The following TAFA2 variants were observed in gnomAD, a reference collection of about 807,000 sequenced individuals.
The protein encoded by TAFA2 is TAFA chemokine like family member 2.
Under a neutral mutation model 18.8 loss-of-function variants are expected in TAFA2, and 7 were observed. That is an observed-to-expected ratio of 0.37 (90% CI 0.21 to 0.70). The LOEUF (loss-of-function observed/expected upper bound fraction) is 0.70. Ranked by LOEUF, TAFA2 falls within the 30% of genes least tolerant of loss-of-function variation. TAFA2 has a pLI of 0.53. For synonymous variants in TAFA2, 60 were observed against 54.2 expected (o/e 1.11, Z -0.47); for missense variants, 122 against 158.1 (o/e 0.77, Z 1.23).
Position 62,035,815 on chromosome 12 carries a change from C to A in TAFA2, c.-2+155444G>T, listed in dbSNP as rs1302794089. ...GGAGTGCAGTGGCGCGATCTCGACT[C>A]ACTGCAAGCTCCGCCTCCCGGGTTC... On this transcript the variant is annotated intron_variant, in intron 1 of 4. Coordinates refer to ENST00000416284, the MANE Select transcript of TAFA2 (RefSeq NM_178539.5). Among the ~76,000 whole-genome samples, 3 of 139,018 alleles carry A rather than the reference C, an allele frequency of 2.2e-5. No homozygotes were observed. In the East Asian group the frequency reaches 6.4e-4, roughly 30 times the overall value. The allele number at this position is 139,018 out of a possible 152,430, so 91.2% of individuals were successfully genotyped here.
At chr12:62,156,261 G>A (rs530394764) in intron 1 of TAFA2, among the ~76,000 whole-genome samples, 1 of 152,164 alleles carries the variant, frequency 6.6e-6, no homozygotes, top group Non-Finnish European at 1.5e-5. Context: ...CCTTACTCCT[G>A]CAAGAACGTC....
At chr12:62,075,619 C>A (rs1403535663) in intron 1 of TAFA2, among the ~76,000 whole-genome samples, 1 of 152,162 alleles carries the variant, frequency 6.6e-6, no homozygotes, top group Non-Finnish European at 1.5e-5. Context: ...CATTTCATGT[C>A]CATTCATTTC....
intron 2 of TAFA2, among the ~76,000 whole-genome samples, chr12:61,798,249 C>CAA (rs1871268405): frequency 6.6e-6 from 1 of 152,010 alleles, no homozygotes; most frequent in Non-Finnish European, 1.5e-5. Flanking sequence ...ATTACAAAAT[C>CAA]ATTTCTCTTA....
At chr12:61,862,495 C>T (rs1356192384) in intron 2 of TAFA2, among the ~76,000 whole-genome samples, 2 of 152,204 alleles carry the variant, frequency 1.3e-5, no homozygotes, top group African/African-American at 4.8e-5. Flanking sequence ...AGTGTTCCTA[C>T]ATCATGTTCA....
At chr12:62,247,389 A>G (rs2062891800) in intron 1 of TAFA2, among the ~76,000 whole-genome samples, 1 of 152,068 alleles carries the variant, frequency 6.6e-6, no homozygotes, top group Non-Finnish European at 1.5e-5. Flanking sequence ...AATTCCACTT[A>G]CTCTCATTCA....
chr12:62,191,108 C>A (rs184456663), intron 1 of TAFA2, among the ~76,000 whole-genome samples, 151 bp downstream of exon 1: 1 of 152,106 alleles, frequency 6.6e-6, no homozygotes, highest in Non-Finnish European at 1.5e-5. Flanking sequence ...CCTCACCTCT[C>A]GCCTTCCCCG....
intron 2 of TAFA2, among the ~76,000 whole-genome samples, chr12:61,764,354 T>G (rs961004965): frequency 6.6e-6 from 1 of 152,072 alleles, no homozygotes; most frequent in Non-Finnish European, 1.5e-5. Context: ...TCCCAAGCAT[T>G]GTAGGAATCA....
intron 1 of TAFA2, among the ~76,000 whole-genome samples, chr12:61,961,314 G>A (rs1240907305): frequency 3.3e-5 from 5 of 151,760 alleles, no homozygotes; most frequent in East Asian, 1.9e-4. Flanking sequence ...ATTTGGGAAG[G>A]GACACAAACC....
intron 4 of TAFA2, among the ~76,000 whole-genome samples, chr12:61,715,430 G>C (rs368484668): frequency 1.3e-4 from 20 of 151,696 alleles, no homozygotes; most frequent in Non-Finnish European, 2.7e-4. Flanking sequence ...CTCACTGCAA[G>C]CTCTGCCTCC....
At chr12:62,017,758 G>T (rs916602444) in intron 1 of TAFA2, among the ~76,000 whole-genome samples, 4 of 152,080 alleles carry the variant, frequency 2.6e-5, no homozygotes, top group African/African-American at 9.7e-5. Context: ...ATAAACAGCT[G>T]TACCAAGTGA....
chr12:61,709,428 GATAGGACA>G lies in TAFA2; in HGVS notation c.*970_*977del, dbSNP rs1414943489. Reference sequence around the variant, plus strand: ...AGCAAAAGAAAGTCTTTTAAAATGAGATAGGACAGTTTTTTAAAAAATACTGGAAGAAA... The same window carrying G: ...AGCAAAAGAAAGTCTTTTAAAATGAGGTTTTTTAAAAAATACTGGAAGAAA... On this transcript the variant is annotated 3_prime_UTR_variant, in exon 5 of 5. Coordinates refer to ENST00000416284, the MANE Select transcript of TAFA2 (RefSeq NM_178539.5). 1 of 152,030 alleles carries G rather than the reference GATAGGACA, an allele frequency of 6.6e-6. No individual in the cohort carries two copies. The highest frequency in any genetic ancestry group is 6.6e-5 in the Admixed American group (1 of 15,234). 9.4% of individuals were successfully genotyped at this position (152,030 alleles called of 1,614,324 possible). A position where few individuals can be genotyped will look rare whatever the true frequency, so the allele number is the denominator to read the frequency against.
At chr12:61,985,588 A>G (rs1879784792) in intron 1 of TAFA2, among the ~76,000 whole-genome samples, 1 of 152,334 alleles carries the variant, frequency 6.6e-6, no homozygotes, top group East Asian at 1.9e-4. Flanking sequence ...ATATTAACAT[A>G]TTAGAATGAA....
rs147444094 is a variant in TAFA2, at chr12:61,834,507, G to A, written c.106+32813C>T. On this transcript the variant is annotated intron_variant, in intron 2 of 4. Transcript: ENST00000416284. ...GATAGTTCCTTCAGGCCAGTCTGCA[G>A]CTCCATTTCCAATAGAGAACACCTG... Among the ~76,000 whole-genome samples, 963 of 152,158 alleles carry A rather than the reference G, an allele frequency of 6.3e-3. 10 individuals are homozygous for A. Among genetic ancestry groups the A allele is most frequent in the African/African-American group, 0.022 (902 of 41,536 alleles).
At chr12:61,901,952 T>C (rs537274431) in intron 1 of TAFA2, among the ~76,000 whole-genome samples, 1 of 152,296 alleles carries the variant, frequency 6.6e-6, no homozygotes, top group African/African-American at 2.4e-5. Context: ...AGAATAGCAG[T>C]ATAACTTCTA....
chr12:61,910,093 TG>T (rs1876537773), intron 1 of TAFA2, among the ~76,000 whole-genome samples: 2 of 79,218 alleles, frequency 2.5e-5, no homozygotes, highest in Non-Finnish European at 4.5e-5. Context: ...TGTGTGTGTG[TG>T]TGTGTTTGTG....
At position 61,831,122 on chromosome 12, in the gene TAFA2, T is replaced by C. The variant is rs755585774; in HGVS notation, c.106+36198A>G. Among the ~76,000 whole-genome samples the C allele has an allele frequency of 3.3e-5, 5 of 152,070 alleles. No individual in the cohort carries two copies. In the East Asian group the frequency reaches 9.7e-4, roughly 29 times the overall value. On this transcript the variant is annotated intron_variant, in intron 2 of 4. Coordinates refer to ENST00000416284, the MANE Select transcript of TAFA2 (RefSeq NM_178539.5). The stretch of plus-strand genomic sequence containing the variant: ...TTGAGCCTTCAGTTTCTGTCATGGA[T>C]AGTAACATCTACTTTGCAGCAGTGT...
At chr12:61,751,164 A>G (rs1450064669) in intron 4 of TAFA2, among the ~76,000 whole-genome samples, 2 of 152,068 alleles carry the variant, frequency 1.3e-5, no homozygotes, top group African/African-American at 4.8e-5. Context: ...AGCTATTTTA[A>G]GAATTTTTCT....
chr12:62,119,828 T>A (rs1466102877), intron 1 of TAFA2, among the ~76,000 whole-genome samples: 1 of 151,986 alleles, frequency 6.6e-6, no homozygotes, highest in East Asian at 1.9e-4. Context: ...AATCCCAGCA[T>A]TTTGGGAGGC....
chr12:62,011,542 G>A (rs967766634), intron 1 of TAFA2, among the ~76,000 whole-genome samples: 13 of 152,080 alleles, frequency 8.5e-5, no homozygotes, highest in African/African-American at 3.1e-4. Context: ...ACAGATGCTT[G>A]AAGGCAGCAT....
Sources: gnomAD v4.1 joint callset for allele counts (sites outside exome capture counted in the v4.1 genomes callset) on GRCh38, gnomAD v4.1.1 for gene constraint, MANE v1.5 for transcripts, NCBI Gene and HGNC (gene_info 2026-07-23, HGNC 2026-07-21) for gene names.